REEP3: variants seen among roughly 807,000 people sequenced by gnomAD.
REEP3 encodes receptor accessory protein 3.
Under a neutral mutation model 41.3 loss-of-function variants are expected in REEP3, and 20 were observed. That is an observed-to-expected ratio of 0.48 (90% confidence interval 0.34 to 0.70). The LOEUF (loss-of-function observed/expected upper bound fraction) is 0.70, where lower values mean the gene tolerates loss of function less well. Ranked by LOEUF, REEP3 falls within the 30% of genes least tolerant of loss-of-function variation. REEP3 has a pLI of 0.01. For missense variants in REEP3, 271 were observed against 308.8 expected (o/e 0.88, Z 0.92); for synonymous variants, 104 against 101.8 (o/e 1.02, Z -0.13).
chr10:63,578,622 C>G (rs1955919227), intron 2 of REEP3, among the ~76,000 whole-genome samples: 3 of 151,822 alleles, frequency 2.0e-5, no homozygotes, highest in Non-Finnish European at 2.9e-5. Context: ...CAAAAAAATA[C>G]AAAAATTATC....
chr10:63,586,821 G>A (rs555946524), intron 2 of REEP3, among the ~76,000 whole-genome samples: 2 of 152,166 alleles, frequency 1.3e-5, no homozygotes, highest in African/African-American at 4.8e-5. Flanking sequence ...CATGAGCCAC[G>A]ACACCCGGCT....
chr10:63,525,754 A>G (rs1955357905), intron 1 of REEP3, among the ~76,000 whole-genome samples: 1 of 152,214 alleles, frequency 6.6e-6, no homozygotes, highest in African/African-American at 2.4e-5. Flanking sequence ...ATGATGTTCC[A>G]TTCATATATG....
chr10:63,619,913 G>A, intron 7 of REEP3, 113 bp downstream of exon 7: 1 of 278,800 alleles, frequency 3.6e-6, no homozygotes, highest in Non-Finnish European at 6.4e-6. Context: ...TAGAACAGCA[G>A]TTTGATTTTT....
At chr10:63,541,151 GAA>G (rs1333205397) in intron 1 of REEP3, among the ~76,000 whole-genome samples, 1 of 152,070 alleles carries the variant, frequency 6.6e-6, no homozygotes, top group Non-Finnish European at 1.5e-5. Flanking sequence ...AATTTAAATT[GAA>G]GACTAGTTCT....
chr10:63,598,483 CA>C (rs59559921), intron 4 of REEP3, among the ~76,000 whole-genome samples: 31 of 65,860 alleles, frequency 4.7e-4, no homozygotes, highest in African/African-American at 5.4e-4. Flanking sequence ...GACTCCATCT[CA>C]AAAAAAAAAA....
chr10:63,548,507 G>A (rs903741155), intron 1 of REEP3, among the ~76,000 whole-genome samples: 1 of 152,110 alleles, frequency 6.6e-6, no homozygotes, highest in African/African-American at 2.4e-5. Flanking sequence ...AGTAGTTTAG[G>A]TGCTTAATTT....
chr10:63,521,896 A>C (rs189607991), intron 1 of REEP3: 1 of 151,894 alleles, frequency 6.6e-6, no homozygotes, highest in Non-Finnish European at 1.5e-5. Context: ...CGCTCAGGGC[A>C]GGCGGCGCGC....
intron 2 of REEP3, among the ~76,000 whole-genome samples, chr10:63,568,185 G>A (rs892782787): frequency 2.0e-5 from 3 of 151,842 alleles, no homozygotes; most frequent in African/African-American, 4.8e-5. Context: ...AGATGCCAGC[G>A]TGTCTGTTAA....
At chr10:63,577,558 C>T (rs572682138) in intron 2 of REEP3, among the ~76,000 whole-genome samples, 14 of 152,084 alleles carry the variant, frequency 9.2e-5, no homozygotes, top group East Asian at 3.9e-4. Context: ...CCAGTAGCTG[C>T]GACTACAGGC....
chr10:63,610,388 A>G (rs879707161), intron 6 of REEP3, 54 bp downstream of exon 6: 39 of 1,520,416 alleles, frequency 2.6e-5, no homozygotes, highest in Admixed American at 4.0e-5. Flanking sequence ...AGGGAGGGGA[A>G]CAACATACAC....
Position 63,521,660 on chromosome 10 carries a change from A to AGGCCTG in REEP3, c.32+93_32+98dup, listed in dbSNP as rs1955249380. On this transcript the variant is annotated intron_variant, in intron 1 of 7. Transcript: ENST00000373758. Reference sequence around the variant, plus strand: ...GGGGAAGGAGCCGAGAGGAAAGGGAAGGCCTGGGCCTGGGCGGGGACGGGG... The same window carrying AGGCCTG: ...GGGGAAGGAGCCGAGAGGAAAGGGAAGGCCTGGGCCTGGGCCTGGGCGGGGACGGGG... 6 of 1,082,320 alleles carry AGGCCTG rather than the reference A, an allele frequency of 5.5e-6. No individual in the cohort carries two copies. The East Asian group carries it at 1.0e-4, about 19-fold the overall frequency. 67.0% of individuals were successfully genotyped at this position (1,082,320 alleles called of 1,614,324 possible).
intron 1 of REEP3, among the ~76,000 whole-genome samples, chr10:63,558,952 C>G (rs1955715684): frequency 6.6e-6 from 1 of 151,940 alleles, no homozygotes; most frequent in Non-Finnish European, 1.5e-5. Context: ...CCTCTAGTCT[C>G]ATTGAGTTGT....
In REEP3 at chr10:63,542,597, A is replaced by G. The variant is rs562972145; in HGVS notation, c.32+21020A>G. On this transcript the variant is annotated intron_variant, in intron 1 of 7. Coordinates refer to ENST00000373758, the MANE Select transcript of REEP3 (RefSeq NM_001001330.3). ...TATACAAATACAGCACTATATTACC[A>G]CTCCTTGTTCCTTTAAAACAATCCA... 2.0e-5 allele frequency among the ~76,000 whole-genome samples: 3 copies of G among 152,060 alleles called. No individual in the cohort carries two copies. In the South Asian group the frequency reaches 6.2e-4, roughly 32 times the overall value.
At chr10:63,589,801 TTTTTTTTTTTG>T (rs1267965852) in intron 2 of REEP3, among the ~76,000 whole-genome samples, 35 of 139,568 alleles carry the variant, frequency 2.5e-4, no homozygotes, top group African/African-American at 6.8e-4. Context: ...TTTTTTTTTT[TTTTTTTTTTTG>T]GAAACGGAGT....
intron 1 of REEP3, among the ~76,000 whole-genome samples, chr10:63,556,276 C>T (rs946636484): frequency 7.3e-5 from 11 of 151,316 alleles, no homozygotes; most frequent in Non-Finnish European, 1.5e-4. Flanking sequence ...CCACCATGCC[C>T]GACTAATTTT....
intron 2 of REEP3, among the ~76,000 whole-genome samples, chr10:63,585,303 C>G (rs1280895702): frequency 6.6e-6 from 1 of 151,886 alleles, no homozygotes; most frequent in Non-Finnish European, 1.5e-5. Flanking sequence ...ATAAACCAAC[C>G]ATATGGATAT....
At chr10:63,606,056 T>G in intron 5 of REEP3, 7 of 784,786 alleles carry the variant, frequency 8.9e-6, no homozygotes, top group Non-Finnish European at 1.1e-5. Context: ...GAATACTTAA[T>G]TACCTGGACT....
At chr10:63,605,313 A>G (rs1956214054) in intron 5 of REEP3, among the ~76,000 whole-genome samples, 1 of 152,260 alleles carries the variant, frequency 6.6e-6, no homozygotes, top group African/African-American at 2.4e-5. Context: ...AATGCAGTCA[A>G]TTCCATTCTG....
At chr10:63,559,351 T>G (rs2133369267) in intron 1 of REEP3, among the ~76,000 whole-genome samples, 1 of 152,354 alleles carries the variant, frequency 6.6e-6, no homozygotes, top group Admixed American at 6.5e-5. Context: ...TACAATTCAT[T>G]TTTCAAACAG....
Sources: gnomAD v4.1 joint callset for allele counts (sites outside exome capture counted in the v4.1 genomes callset) on GRCh38, gnomAD v4.1.1 for gene constraint, MANE v1.5 for transcripts, NCBI Gene and HGNC (gene_info 2026-07-23, HGNC 2026-07-21) for gene names.